ADAMTS19: variants seen among roughly 807,000 people sequenced by gnomAD.
ADAMTS19 encodes ADAM metallopeptidase with thrombospondin type 1 motif 19.
In ADAMTS19, 93 loss-of-function variants were observed where a neutral mutation model predicts 153.3. That is an observed-to-expected ratio of 0.61 (90% CI 0.51 to 0.72). The LOEUF is 0.72. Ranked by LOEUF, ADAMTS19 falls within the 30% of genes least tolerant of loss-of-function variation. The pLI, the probability that ADAMTS19 is intolerant of heterozygous loss-of-function variation, is 0.00. For synonymous variants in ADAMTS19, 600 were observed against 556.6 expected (o/e 1.08, Z -1.10); for missense variants, 1,482 against 1,552.1 (o/e 0.95, Z 0.76).
intron 7 of ADAMTS19, among the ~76,000 whole-genome samples, chr5:129,575,350 A>T (rs757852799): frequency 7.9e-5 from 12 of 152,076 alleles, no homozygotes; most frequent in African/African-American, 2.9e-4. Flanking sequence ...CCTTCAGGAT[A>T]TGATTATGTT....
chr5:129,543,039 TG>T (rs1217283070), intron 6 of ADAMTS19, among the ~76,000 whole-genome samples: 1 of 142,528 alleles, frequency 7.0e-6, no homozygotes, highest in African/African-American at 2.6e-5. Context: ...TTGTTGTTGT[TG>T]TTGTTTTGTT....
At chr5:129,736,528 T>C (rs181919548) in intron 22 of ADAMTS19, among the ~76,000 whole-genome samples, 3 of 152,194 alleles carry the variant, frequency 2.0e-5, no homozygotes, top group African/African-American at 7.2e-5. Flanking sequence ...TAAATCTCAG[T>C]CGCTTGTGAT....
At chr5:129,494,183 T>A (rs555455713) in intron 2 of ADAMTS19, among the ~76,000 whole-genome samples, 1 of 152,176 alleles carries the variant, frequency 6.6e-6, no homozygotes, top group East Asian at 1.9e-4. Context: ...ATTTGAATTA[T>A]AAACAGAGAA....
rs1313477743 is a variant in ADAMTS19 at position 129,558,927 on chromosome 5, GACA to G, written c.1372+7021_1372+7023del. 3.0e-3 allele frequency among the ~76,000 whole-genome samples: 8 copies of G among 2,674 alleles called. No homozygotes were observed. The African/African-American group carries it at 0.053, about 18-fold the overall frequency. The allele number at this position is 2,674 out of a possible 152,430, so 1.8% of individuals were successfully genotyped here. ...AACAGGAGTCTATTTTTGATGTAGA[GACA>G]GACAGATTTCTTAGAGAGTACACAG... On this transcript the variant is annotated intron_variant, in intron 7 of 22. Coordinates refer to ENST00000274487, the MANE Select transcript of ADAMTS19 (RefSeq NM_133638.6).
intron 3 of ADAMTS19, among the ~76,000 whole-genome samples, chr5:129,522,332 C>CACACACATATATATATAT (rs1309115957): frequency 3.1e-4 from 18 of 58,612 alleles, no homozygotes; most frequent in East Asian, 1.6e-3. Context: ...CACACACACA[C>CACACACATATATATATAT]ATATATATAT....
At chr5:129,498,863 A>G (rs1233245081) in intron 2 of ADAMTS19, among the ~76,000 whole-genome samples, 2 of 143,128 alleles carry the variant, frequency 1.4e-5, no homozygotes, top group African/African-American at 5.2e-5. Context: ...AGAATTTCTT[A>G]AGTGTATTTT....
chr5:129,663,189 C>G (rs1046565267), intron 15 of ADAMTS19, among the ~76,000 whole-genome samples: 1 of 152,134 alleles, frequency 6.6e-6, no homozygotes. Flanking sequence ...CCACCACGCC[C>G]GGCCCCATTC....
At chr5:129,733,945 G>A (rs753622335) in intron 21 of ADAMTS19, among the ~76,000 whole-genome samples, 2 of 536 alleles carry the variant, frequency 3.7e-3, no homozygotes, top group African/African-American at 0.022. Context: ...AAGTGTGTGC[G>A]TGTGTGTGTG....
At chr5:129,631,160 G>GTTTT (rs35770896) in intron 10 of ADAMTS19, among the ~76,000 whole-genome samples, 2 of 127,702 alleles carry the variant, frequency 1.6e-5, no homozygotes, top group African/African-American at 5.9e-5. Context: ...AAAATTTTAG[G>GTTTT]TTTTTTTTTT....
At chr5:129,538,019 G>A (rs1752516205) in intron 6 of ADAMTS19, among the ~76,000 whole-genome samples, 1 of 151,966 alleles carries the variant, frequency 6.6e-6, no homozygotes, top group South Asian at 2.1e-4. Context: ...ATGGAGAGGG[G>A]ACTTATAAGG....
rs1400409056 is a variant in ADAMTS19 at position 129,679,913 on chromosome 5, C to T, written c.2656C>T (p.His886Tyr). ...CAAAGGTCCTACTACAGCACCTTTA[C>T]ATCTTCTGGTATGAGGGAATGAATT... is the stretch of plus-strand genomic sequence containing the variant. Reference protein sequence around the residue: ...SAKGPTTAPLHLLVLLFQDQN... With the variant: ...SAKGPTTAPLYLLVLLFQDQN... Residue 886 changes from histidine (H) to tyrosine (Y), a missense_variant, in exon 17 of 23, where the codon CAT becomes TAT. His to Tyr is a moderately conservative substitution (Grantham distance 83). Transcript: ENST00000274487. 1 of 1,612,638 alleles carries T rather than the reference C, an allele frequency of 6.2e-7. No individual in the cohort carries two copies. Among genetic ancestry groups the T allele is most frequent in the Admixed American group, 1.7e-5 (1 of 59,670 alleles).
chr5:129,556,717 GA>G, intron 7 of ADAMTS19, among the ~76,000 whole-genome samples: 1 of 152,092 alleles, frequency 6.6e-6, no homozygotes, highest in East Asian at 1.9e-4. Flanking sequence ...AAGAAAGACA[GA>G]GATACAATAT....
At chr5:129,674,048 T>G (rs1039599405) in intron 16 of ADAMTS19, among the ~76,000 whole-genome samples, 6 of 152,086 alleles carry the variant, frequency 3.9e-5, no homozygotes, top group Non-Finnish European at 7.4e-5. Flanking sequence ...CTGACCAATA[T>G]GATAAAACCC....
At chr5:129,468,320 T>G (rs1295128772) in intron 2 of ADAMTS19, among the ~76,000 whole-genome samples, 1 of 152,190 alleles carries the variant, frequency 6.6e-6, no homozygotes. Flanking sequence ...ATTAAAATTT[T>G]TGACCTTTGT....
chr5:129,684,217 C>A lies in ADAMTS19; in HGVS notation c.2762C>A (p.Pro921His), dbSNP rs763678678. The part of the protein sequence containing the change: ...PENQSSKAPE[P>H]LFMWTHTSWE... ...AACCAGAGCTCTAAAGCACCTGAGC[C>A]CCTCTTCATGTGGACACACACAAGC... Residue 921 changes from proline (P) to histidine (H), a missense_variant, in exon 18 of 23, where the codon CCC (proline) becomes CAC (histidine). Pro to His is a moderately conservative substitution (Grantham distance 77). This residue lies in a region of ADAMTS19 where 616 missense variants were observed against 724.4 expected (regional missense o/e 0.85). Coordinates refer to ENST00000274487, the MANE Select transcript of ADAMTS19 (RefSeq NM_133638.6). The A allele has an allele frequency of 6.3e-5, 102 of 1,614,048 alleles. No homozygotes were observed. The East Asian group carries it at 2.0e-3, about 32-fold the overall frequency.
intron 6 of ADAMTS19, among the ~76,000 whole-genome samples, chr5:129,529,799 G>T (rs902080258): frequency 6.6e-5 from 10 of 152,220 alleles, no homozygotes; most frequent in African/African-American, 2.2e-4. Flanking sequence ...CTGGTCTGAA[G>T]ATAAACAGAT....
chr5:129,495,026 G>A (rs576217502), intron 2 of ADAMTS19, among the ~76,000 whole-genome samples: 1 of 151,912 alleles, frequency 6.6e-6, no homozygotes, highest in South Asian at 2.1e-4. Flanking sequence ...AGTTGTATAG[G>A]GTCCACTTCA....
intron 9 of ADAMTS19, among the ~76,000 whole-genome samples, 166 bp from the exon 10 acceptor site, chr5:129,622,032 G>A (rs1751799483): frequency 6.6e-6 from 1 of 152,134 alleles, no homozygotes; most frequent in Non-Finnish European, 1.5e-5. Flanking sequence ...TATCTTCATT[G>A]TAAATAAATG....
chr5:129,487,772 TTGTC>T (rs1440926602), intron 2 of ADAMTS19, among the ~76,000 whole-genome samples: 2 of 152,084 alleles, frequency 1.3e-5, no homozygotes, highest in Non-Finnish European at 1.5e-5. Flanking sequence ...TAGTTTCAGT[TTGTC>T]TGTAGGAGAG....
Sources: gnomAD v4.1 joint callset for allele counts (sites outside exome capture counted in the v4.1 genomes callset) on GRCh38, gnomAD v4.1.1 for gene constraint, gnomAD v4.1.1 regional missense constraint, MANE v1.5 for transcripts, NCBI Gene and HGNC (gene_info 2026-07-23, HGNC 2026-07-21) for gene names.